The following INPP4B variants were observed in gnomAD, a reference collection of about 807,000 sequenced individuals.
INPP4B encodes the protein inositol polyphosphate-4-phosphatase type II B.
In INPP4B, 55 loss-of-function variants were observed where a neutral mutation model predicts 122.5. That is an observed-to-expected ratio of 0.45 (90% CI 0.36 to 0.56). The LOEUF (loss-of-function observed/expected upper bound fraction) is 0.56. INPP4B is among the 20% of genes least tolerant of loss of function. The probability of loss-of-function intolerance (pLI) is 0.00; values close to 1 mark genes in which losing one functional copy is unlikely to be tolerated. For missense variants in INPP4B, 1,000 were observed against 1,097.7 expected (o/e 0.91, Z 1.26); for synonymous variants, 403 against 388.7 (o/e 1.04, Z -0.43).
At chr4:142,129,898 T>A (rs1001581257) in intron 18 of INPP4B, among the ~76,000 whole-genome samples, 2 of 152,214 alleles carry the variant, frequency 1.3e-5, no homozygotes, top group East Asian at 3.9e-4. Flanking sequence ...AAAGATAGTG[T>A]CTTCTATGTG....
rs1342725365 is a variant in INPP4B, at chr4:142,023,629, T to G, written c.*5153A>C. ...AATTTGAGTCAATGTTACCTGTGAG[T>G]GCAATAGGTCATCATTGATCGCGTC... On this transcript the variant is annotated 3_prime_UTR_variant, in exon 26 of 26. Coordinates refer to ENST00000262992, the MANE Select transcript of INPP4B (RefSeq NM_001101669.3). 2 of 152,196 alleles carry G rather than the reference T, an allele frequency of 1.3e-5. No individual in the cohort carries two copies. Among genetic ancestry groups the G allele is most frequent in the Non-Finnish European group, 2.9e-5 (2 of 68,024 alleles). 9.4% of individuals were successfully genotyped at this position (152,196 alleles called of 1,614,324 possible).
intron 2 of INPP4B, among the ~76,000 whole-genome samples, chr4:142,563,880 T>G (rs1413511675): frequency 6.6e-6 from 1 of 152,148 alleles, no homozygotes; most frequent in Non-Finnish European, 1.5e-5. Flanking sequence ...AACAGTCAGC[T>G]AATCCCCCGA....
At chr4:142,571,568 C>G (rs1560815639) in intron 2 of INPP4B, among the ~76,000 whole-genome samples, 1 of 152,090 alleles carries the variant, frequency 6.6e-6, no homozygotes, top group African/African-American at 2.4e-5. Context: ...TACATGTCCT[C>G]AGTCTTTATA....
intron 2 of INPP4B, among the ~76,000 whole-genome samples, chr4:142,646,553 G>A (rs74379303): frequency 0.012 from 1,752 of 152,294 alleles, 30 homozygotes; most frequent in African/African-American, 0.032. Context: ...AGGACAGAAT[G>A]TTGACACTTT....
chr4:142,041,138 T>TA (rs1747204514), intron 25 of INPP4B, among the ~76,000 whole-genome samples: 1 of 152,004 alleles, frequency 6.6e-6, no homozygotes, highest in South Asian at 2.1e-4. Flanking sequence ...AAATCAATAA[T>TA]AAAAAAATTA....
chr4:142,511,746 A>G (rs1465356188), intron 2 of INPP4B, among the ~76,000 whole-genome samples: 2 of 152,128 alleles, frequency 1.3e-5, no homozygotes, highest in Non-Finnish European at 2.9e-5. Context: ...TTTGAGAACC[A>G]ATGCTTTAAA....
rs72615962 is a variant in INPP4B at position 142,630,073 on chromosome 4, T to C, written c.-191+95766A>G. Among the ~76,000 whole-genome samples, 1,810 of 152,198 alleles carry C rather than the reference T, an allele frequency of 0.012. 90 individuals are homozygous for C. The East Asian group carries it at 0.18, about 15-fold the overall frequency. On this transcript the variant is annotated intron_variant, in intron 2 of 25. Coordinates refer to ENST00000262992, the MANE Select transcript of INPP4B (RefSeq NM_001101669.3). The stretch of plus-strand genomic sequence containing the variant: ...GAAGGAAAAGAGCTTCTTTTCTCCT[T>C]TCTGATGGCAATATGTAAGCCCAAC...
chr4:142,450,648 T>C (rs1813945601), intron 3 of INPP4B, among the ~76,000 whole-genome samples: 2 of 152,348 alleles, frequency 1.3e-5, no homozygotes, highest in East Asian at 1.9e-4. Context: ...CTCTATGTTA[T>C]CATTCTATAT....
At position 142,152,277 on chromosome 4, in the gene INPP4B, G is replaced by A. The variant is rs187417809; in HGVS notation, c.1564-6281C>T. ...TTTTTAGTAGAGACGGAGTTTCACC[G>A]TGTTAGCCAGGATGGTCTCGATCTC... On this transcript the variant is annotated intron_variant, in intron 17 of 25. Transcript: ENST00000262992. Among the ~76,000 whole-genome samples the A allele has an allele frequency of 9.0e-3, 1,356 of 151,370 alleles. 10 individuals carry two copies. The highest frequency in any genetic ancestry group is 0.016 in the Non-Finnish European group (1,067 of 67,810).
At chr4:142,087,775 T>A (rs985909678) in intron 23 of INPP4B, among the ~76,000 whole-genome samples, 1 of 152,186 alleles carries the variant, frequency 6.6e-6, no homozygotes, top group Non-Finnish European at 1.5e-5. Context: ...ATAGTTCTGG[T>A]TTGTGACTTT....
intron 25 of INPP4B, among the ~76,000 whole-genome samples, chr4:142,078,266 G>C (rs1771929178): frequency 2.6e-5 from 4 of 151,952 alleles, no homozygotes; most frequent in Admixed American, 2.6e-4. Context: ...TATTGTTTTT[G>C]AATTAGGATA....
At chr4:142,618,773 C>T (rs1744235642) in intron 2 of INPP4B, among the ~76,000 whole-genome samples, 1 of 151,736 alleles carries the variant, frequency 6.6e-6, no homozygotes, top group African/African-American at 2.4e-5. Flanking sequence ...AGTAAACAAT[C>T]AACAAAATGA....
intron 2 of INPP4B, among the ~76,000 whole-genome samples, chr4:142,529,012 A>T (rs1827270010): frequency 6.6e-6 from 1 of 151,988 alleles, no homozygotes; most frequent in African/African-American, 2.4e-5. Context: ...CAAAAGAAAA[A>T]TTTTTTCTAA....
At chr4:142,270,835 C>T (rs1745428331) in intron 9 of INPP4B, 61 bp from the exon 10 acceptor site, 4 of 1,089,562 alleles carry the variant, frequency 3.7e-6, no homozygotes, top group Admixed American at 1.7e-5. Flanking sequence ...CAAAAATATC[C>T]AAAACACATT....
At chr4:142,779,133 T>G (rs1774390092) in intron 1 of INPP4B, among the ~76,000 whole-genome samples, 1 of 151,970 alleles carries the variant, frequency 6.6e-6, no homozygotes, top group Non-Finnish European at 1.5e-5. Context: ...TCCAACTCAG[T>G]CCCTAACAGA....
chr4:142,733,277 C>A (rs1766358397), intron 1 of INPP4B, among the ~76,000 whole-genome samples: 1 of 152,016 alleles, frequency 6.6e-6, no homozygotes, highest in Admixed American at 6.6e-5. Context: ...TAAGTGGTAA[C>A]CGTCAAGGGA....
At chr4:142,148,362 G>A (rs1811914336) in intron 17 of INPP4B, among the ~76,000 whole-genome samples, 1 of 152,020 alleles carries the variant, frequency 6.6e-6, no homozygotes, top group Admixed American at 6.5e-5. Context: ...CCACAGGCAT[G>A]CCCACCACGC....
At chr4:142,820,210 G>A (rs1420525843) in intron 1 of INPP4B, among the ~76,000 whole-genome samples, 1 of 152,146 alleles carries the variant, frequency 6.6e-6, no homozygotes, top group African/African-American at 2.4e-5. Context: ...TTATCCCAAT[G>A]TTAGAGATGG....
At chr4:142,738,735 A>G (rs1345554580) in intron 1 of INPP4B, among the ~76,000 whole-genome samples, 1 of 152,156 alleles carries the variant, frequency 6.6e-6, no homozygotes, top group Admixed American at 6.6e-5. Context: ...AGTTGGAAAT[A>G]ATATACAGAA....
Sources: allele counts gnomAD v4.1 joint callset (sites outside exome capture counted in the v4.1 genomes callset), GRCh38; gene constraint gnomAD v4.1.1; transcripts MANE v1.5; gene names NCBI Gene and HGNC (gene_info 2026-07-23, HGNC 2026-07-21).